JPT1: variants seen among roughly 807,000 people sequenced by gnomAD.
JPT1 encodes androgen-regulated protein 2.
A neutral mutation model predicts 17.0 loss-of-function variants in JPT1; 5 were observed. The observed-to-expected ratio is 0.29, with a 90% confidence interval of 0.15 to 0.62. JPT1 has a LOEUF of 0.62. Ranked by LOEUF, JPT1 falls within the 20% of genes least tolerant of loss-of-function variation. The pLI is 0.85. For missense variants in JPT1, 158 were observed against 188.1 expected (o/e 0.84, Z 0.94); for synonymous variants, 71 against 73.6 (o/e 0.96, Z 0.18).
chr17:75,148,381 A>G (rs1178388346), intron 2 of JPT1, 148 bp downstream of exon 2: 1 of 903,872 alleles, frequency 1.1e-6, no homozygotes, highest in Admixed American at 2.8e-5. Flanking sequence ...AGTATCAGGG[A>G]CTAAATGCAC....
chr17:75,150,344 C>T (rs2074524453), intron 1 of JPT1, among the ~76,000 whole-genome samples: 1 of 152,028 alleles, frequency 6.6e-6, no homozygotes, highest in Non-Finnish European at 1.5e-5. Flanking sequence ...ACCTCCGCCT[C>T]CCGGGTTCAA....
chr17:75,146,693 G>GA lies in JPT1; in HGVS notation c.298-10dup. The GA allele has an allele frequency of 2.0e-6, 3 of 1,526,036 alleles. No homozygotes were observed. The highest frequency in any genetic ancestry group is 2.7e-6 in the Non-Finnish European group (3 of 1,124,588). 94.5% of individuals were successfully genotyped at this position (1,526,036 alleles called of 1,614,324 possible). On this transcript the variant is annotated splice_polypyrimidine_tract_variant and intron_variant, in intron 3 of 4. Coordinates refer to ENST00000409753, the MANE Select transcript of JPT1 (RefSeq NM_016185.4). ...TGAATATCACCTTCTCCCTAGAAAA[G>GA]AAAAAAATTCAAAAATTTACTTCCT... is the stretch of plus-strand genomic sequence containing the variant.
intron 1 of JPT1, among the ~76,000 whole-genome samples, chr17:75,151,895 G>A (rs2074559704): frequency 6.6e-6 from 1 of 151,568 alleles, no homozygotes. Flanking sequence ...CTTGAACCTG[G>A]AAAGCAGAGG....
At chr17:75,148,726 TA>T in intron 1 of JPT1, 55 bp from the exon 2 acceptor site, 1 of 1,596,900 alleles carries the variant, frequency 6.3e-7, no homozygotes, top group East Asian at 2.2e-5. Flanking sequence ...TTTCTTGGCA[TA>T]AATCTTTTCA....
intron 4 of JPT1, chr17:75,142,794 A>G (rs1485943228): frequency 2.2e-6 from 1 of 456,268 alleles, no homozygotes; most frequent in Non-Finnish European, 4.4e-6. Context: ...CAGTACAAAT[A>G]GAACACAAAC....
chr17:75,149,453 C>T (rs1178138492), intron 1 of JPT1, among the ~76,000 whole-genome samples: 2 of 152,134 alleles, frequency 1.3e-5, no homozygotes, highest in Middle Eastern at 3.2e-3. Context: ...CTGCAAGCTC[C>T]ACCTCCCGGG....
rs1452088485 is a variant in JPT1, at chr17:75,154,444, G to A, written c.-47C>T. On this transcript the variant is annotated 5_prime_UTR_variant, in exon 1 of 5. Coordinates refer to ENST00000409753, the MANE Select transcript of JPT1 (RefSeq NM_016185.4). ...CTGGCGCCGGAGCAGAACGCTCAAA[G>A]GGTCGGACCCGAGGGGCGCTGGGAA... 3.9e-6 allele frequency: 6 copies of A among 1,528,062 alleles called. No homozygotes were observed. Among genetic ancestry groups the A allele is most frequent in the Admixed American group, 2.0e-5 (1 of 50,248 alleles). The allele number at this position is 1,528,062 out of a possible 1,614,324, so 94.7% of individuals were successfully genotyped here. A position where few individuals can be genotyped will look rare whatever the true frequency, so the allele number is the denominator to read the frequency against.
intron 3 of JPT1, 29 bp downstream of exon 3, chr17:75,147,527 C>G (rs751655492): frequency 6.8e-7 from 1 of 1,478,676 alleles, no homozygotes; most frequent in Admixed American, 1.7e-5. Context: ...GACCTGAAAG[C>G]CTTTCTGGCC....
rs2074182983 is a variant in JPT1, at chr17:75,135,862, A to T, written c.*240T>A. ...TATTTCTTCTTAAAAACACAGTACT[A>T]AGTGTCACAAAGCTTTCCCTCCAAT... On this transcript the variant is annotated 3_prime_UTR_variant, in exon 5 of 5. Transcript: ENST00000409753. 5 of 743,130 alleles carry T rather than the reference A, an allele frequency of 6.7e-6. No individual in the cohort carries two copies. In the East Asian group the frequency reaches 1.3e-4, roughly 20 times the overall value. The allele number at this position is 743,130 out of a possible 1,614,324, so 46.0% of individuals were successfully genotyped here. A position where few individuals can be genotyped will look rare whatever the true frequency, so the allele number is the denominator to read the frequency against.
rs766814566 is a variant in JPT1, at chr17:75,135,695, G to A, written c.*407C>T. 44 of 227,002 alleles carry A rather than the reference G, an allele frequency of 1.9e-4. No individual in the cohort carries two copies. Among genetic ancestry groups the A allele is most frequent in the East Asian group, 4.8e-4 (5 of 10,438 alleles). 14.1% of individuals were successfully genotyped at this position (227,002 alleles called of 1,614,324 possible). ...TAGGGCAACACCAAGAAGGCTCTGC[G>A]GAGAGACTCCCTGTGGGTTGGGGCC... On this transcript the variant is annotated 3_prime_UTR_variant, in exon 5 of 5. Transcript: ENST00000409753.
chr17:75,140,819 C>T (rs533444174), intron 4 of JPT1, among the ~76,000 whole-genome samples: 5 of 152,202 alleles, frequency 3.3e-5, no homozygotes, highest in African/African-American at 1.2e-4. Context: ...TGGCCAAGCA[C>T]GGTGGCTCAC....
At chr17:75,136,689 A>C (rs571865480) in intron 4 of JPT1, among the ~76,000 whole-genome samples, 1 of 152,164 alleles carries the variant, frequency 6.6e-6, no homozygotes, top group South Asian at 2.1e-4. Flanking sequence ...ATGGGGTTTC[A>C]CCATCCTGGC....
chr17:75,147,111 T>C (rs2074454289), intron 3 of JPT1, among the ~76,000 whole-genome samples: 1 of 152,238 alleles, frequency 6.6e-6, no homozygotes, highest in South Asian at 2.1e-4. Context: ...GATGCCTCAC[T>C]GTGCTCTGAG....
intron 4 of JPT1, 73 bp downstream of exon 4, chr17:75,146,593 G>T: frequency 1.7e-6 from 2 of 1,173,228 alleles, no homozygotes; most frequent in African/African-American, 1.6e-5. Context: ...CCCAAGACAT[G>T]ATTTAAATCA....
At chr17:75,138,410 A>G (rs1422112266) in intron 4 of JPT1, 2 of 143,854 alleles carry the variant, frequency 1.4e-5, no homozygotes, top group African/African-American at 5.1e-5. Flanking sequence ...ATATTAATGG[A>G]TTTTTTTTTT....
chr17:75,149,179 C>T (rs1327045843), intron 1 of JPT1: 6 of 497,128 alleles, frequency 1.2e-5, no homozygotes, highest in Admixed American at 5.3e-5. Context: ...GGCAAGACCC[C>T]GTGTCTCTAT....
intron 4 of JPT1, chr17:75,145,906 T>C (rs1316057237): frequency 6.6e-6 from 1 of 152,014 alleles, no homozygotes; most frequent in East Asian, 1.9e-4. Context: ...TGAGACCTCA[T>C]CTCTACTAAA....
intron 1 of JPT1, among the ~76,000 whole-genome samples, chr17:75,149,345 ACT>A (rs984784266): frequency 4.6e-5 from 7 of 152,188 alleles, no homozygotes; most frequent in African/African-American, 1.7e-4. Context: ...ACAGAGCAAG[ACT>A]CTGTCTCAAA....
At chr17:75,136,652 C>T (rs770608081) in intron 4 of JPT1, among the ~76,000 whole-genome samples, 40 of 152,120 alleles carry the variant, frequency 2.6e-4, no homozygotes, top group Admixed American at 1.3e-4. Flanking sequence ...CCGCCATGCC[C>T]GGCTAATTCT....
Sources: gnomAD v4.1 joint callset for allele counts (sites outside exome capture counted in the v4.1 genomes callset) on GRCh38, gnomAD v4.1.1 for gene constraint, MANE v1.5 for transcripts, NCBI Gene and HGNC (gene_info 2026-07-23, HGNC 2026-07-21) for gene names.